Variants in CD8B observed in about 807,000 individuals in gnomAD.
CD8B encodes CD8 subunit beta.
In CD8B, 6 loss-of-function variants were observed where a neutral mutation model predicts 24.2. That is an observed-to-expected ratio of 0.25 (90% CI 0.14 to 0.49). CD8B has a LOEUF of 0.49. Among genes scored for constraint, CD8B ranks in the 20% least tolerant of loss-of-function variants. The pLI is 0.98. For missense variants in CD8B, 196 were observed against 271.3 expected (o/e 0.72, Z 1.95); for synonymous variants, 84 against 108.3 (o/e 0.78, Z 1.39).
chr2:86,853,285 TA>T (rs1396225383), intron 2 of CD8B, among the ~76,000 whole-genome samples, 199 bp from the exon 3 acceptor site: 1 of 150,872 alleles, frequency 6.6e-6, no homozygotes, highest in Non-Finnish European at 1.5e-5. Context: ...CTACAAAAAA[TA>T]AAAAGTTTAG....
chr2:86,844,750 C>T (rs1455494311), intron 5 of CD8B, 172 bp downstream of exon 5: 1 of 1,533,246 alleles, frequency 6.5e-7, no homozygotes, highest in African/African-American at 1.4e-5. Flanking sequence ...TCAAGTGATC[C>T]TCCTGCTTCA....
rs11558603 is a variant in CD8B at position 86,858,309 on chromosome 2, G to T, written c.151C>A (p.Arg51Ser). The T allele has an allele frequency of 1.2e-6, 2 of 1,613,976 alleles. No individual in the cohort carries two copies. The highest frequency in any genetic ancestry group is 1.7e-6 in the Non-Finnish European group (2 of 1,179,870). The change falls in exon 2 of 6, where the codon CGC (arginine) becomes AGC (serine). Residue 51 changes from arginine (R) to serine (S), a missense_variant. Transcript: ENST00000390655. ...CEAKISLSNMRIYWLRQRQAP... is the reference protein window; with the variant it reads ...CEAKISLSNMSIYWLRQRQAP... ...TGGCGCTGTCTCAGCCAGTAGATGC[G>T]CATGTTACTGAGGGAGATTTTAGCC... is the stretch of plus-strand genomic sequence containing the variant.
intron 5 of CD8B, among the ~76,000 whole-genome samples, chr2:86,825,530 A>G (rs1362217749): frequency 6.6e-6 from 1 of 152,174 alleles, no homozygotes; most frequent in Non-Finnish European, 1.5e-5. Flanking sequence ...GGTTGCTGTG[A>G]TCACGATGGA....
At chr2:86,827,452 C>T (rs191363381) in intron 5 of CD8B, among the ~76,000 whole-genome samples, 37 of 151,900 alleles carry the variant, frequency 2.4e-4, no homozygotes, top group South Asian at 4.2e-4. Context: ...GGTGAAACCC[C>T]ATCTCCACAA....
At chr2:86,852,147 G>A (rs551597355) in intron 3 of CD8B, among the ~76,000 whole-genome samples, 13 of 152,064 alleles carry the variant, frequency 8.5e-5, no homozygotes, top group Admixed American at 5.9e-4. Context: ...TTACATTTTC[G>A]TAGAGACAGA....
At chr2:86,827,149 T>G (rs1674722720) in intron 5 of CD8B, among the ~76,000 whole-genome samples, 1 of 152,054 alleles carries the variant, frequency 6.6e-6, no homozygotes, top group Non-Finnish European at 1.5e-5. Context: ...AGCAAAGAGT[T>G]CATCTTGGTT....
chr2:86,841,704 G>A lies in CD8B; in HGVS notation c.*603C>T, dbSNP rs1803262. The A allele has an allele frequency of 0.22, 217,661 of 984,504 alleles. 24,732 individuals are homozygous for A. Among genetic ancestry groups the A allele is most frequent in the African/African-American group, 0.34 (19,498 of 57,216 alleles). The allele number at this position is 984,504 out of a possible 1,614,324, so 61.0% of individuals were successfully genotyped here. A position where few individuals can be genotyped will look rare whatever the true frequency, so the allele number is the denominator to read the frequency against. On this transcript the variant is annotated 3_prime_UTR_variant, in exon 6 of 6. Transcript: ENST00000390655. ...ATGGGAGCTGAGAAACTTAAGAGTA[G>A]AAATGGGAGCTGAGAAGATGAAGTG...
intron 5 of CD8B, among the ~76,000 whole-genome samples, chr2:86,828,683 CAT>C (rs1674786389): frequency 6.6e-6 from 1 of 152,116 alleles, no homozygotes. Context: ...TTATCAAAAT[CAT>C]GTGCCTTTTT....
chr2:86,834,650 T>C (rs1187840262), downstream of CD8B, among the ~76,000 whole-genome samples: 1 of 151,770 alleles, frequency 6.6e-6, no homozygotes, highest in African/African-American at 2.4e-5. Flanking sequence ...AAGACAGACG[T>C]TCCAGGCCGG....
intron 5 of CD8B, 134 bp from the exon 6 acceptor site, chr2:86,842,453 G>A: frequency 1.7e-6 from 2 of 1,156,570 alleles, no homozygotes; most frequent in East Asian, 2.7e-5. Flanking sequence ...TTTTTTGTTA[G>A]TATGTTTCTA....
At chr2:86,834,489 A>ACACACACAC (rs1325050004), downstream of CD8B, among the ~76,000 whole-genome samples, 1 of 94,176 alleles carries the variant, frequency 1.1e-5, no homozygotes, top group Non-Finnish European at 2.6e-5. Context: ...CACACACACA[A>ACACACACAC]AAGTCTTAAC....
At position 86,840,930 on chromosome 2, in the gene CD8B, G is replaced by T. The variant is rs2104537362; in HGVS notation, c.*1377C>A. On this transcript the variant is annotated 3_prime_UTR_variant, in exon 6 of 6. Coordinates refer to ENST00000390655, the MANE Select transcript of CD8B (RefSeq NM_004931.5). Reference sequence around the variant, plus strand: ...TTTTGTAACATTTCTTACATTCTGTGGTTGTCACAGGTAACTGAACATAAC... The same window carrying T: ...TTTTGTAACATTTCTTACATTCTGTTGTTGTCACAGGTAACTGAACATAAC... 1.3e-5 allele frequency among the ~76,000 whole-genome samples: 2 copies of T among 152,216 alleles called. No individual in the cohort carries two copies. The highest frequency in any genetic ancestry group is 2.1e-4 in the South Asian group (1 of 4,816).
chr2:86,844,202 C>A (rs1393011094), intron 5 of CD8B, among the ~76,000 whole-genome samples: 1 of 151,604 alleles, frequency 6.6e-6, no homozygotes, highest in African/African-American at 2.4e-5. Context: ...CTAAAGGTCC[C>A]AGCCCAGCCC....
chr2:86,861,324 G>C (rs1676575871), intron 1 of CD8B, among the ~76,000 whole-genome samples: 1 of 152,024 alleles, frequency 6.6e-6, no homozygotes. Context: ...AGGGAGAACG[G>C]GAGCCAGAGG....
rs1321584410 is a variant in CD8B at position 86,815,795 on chromosome 2, A to G, written c.621-77T>C. On this transcript the variant is annotated intron_variant, in intron 5 of 5. Coordinates refer to the CD8B transcript ENST00000331469. ...TTGGTTACTTATTAAGTAATGACTGATTTTTTTCTGTGACTCAGTCGAGTC... is the reference window on the plus strand; with the variant it reads ...TTGGTTACTTATTAAGTAATGACTGGTTTTTTTCTGTGACTCAGTCGAGTC... 5 of 819,962 alleles carry G rather than the reference A, an allele frequency of 6.1e-6. No homozygotes were observed. In the Admixed American group the frequency reaches 9.5e-5, roughly 16 times the overall value. 50.8% of individuals were successfully genotyped at this position (819,962 alleles called of 1,614,324 possible).
intron 2 of CD8B, among the ~76,000 whole-genome samples, chr2:86,856,888 A>G (rs1466151336): frequency 6.6e-6 from 1 of 151,690 alleles, no homozygotes; most frequent in Non-Finnish European, 1.5e-5. Context: ...TATATTGATT[A>G]CATGTTGAGA....
intron 5 of CD8B, among the ~76,000 whole-genome samples, chr2:86,827,320 G>A (rs929317179): frequency 3.9e-5 from 6 of 151,944 alleles, no homozygotes; most frequent in African/African-American, 1.5e-4. Flanking sequence ...TTTATGTCAC[G>A]AGAGGTAGTT....
intron 5 of CD8B, 116 bp from the exon 6 acceptor site, chr2:86,842,435 G>T: frequency 1.4e-6 from 2 of 1,381,146 alleles, no homozygotes; most frequent in Non-Finnish European, 1.9e-6. Context: ...GTAGCCTGGG[G>T]CCGAGAGTTT....
chr2:86,818,505 T>C (rs536476231), intron 5 of CD8B, among the ~76,000 whole-genome samples: 8 of 152,322 alleles, frequency 5.3e-5, no homozygotes, highest in African/African-American at 1.7e-4. Context: ...AACTTTTTCA[T>C]TATTATTGTG....
Sources: gnomAD v4.1 joint callset for allele counts (sites outside exome capture counted in the v4.1 genomes callset) on GRCh38, gnomAD v4.1.1 for gene constraint, MANE v1.5 for transcripts, NCBI Gene and HGNC (gene_info 2026-07-23, HGNC 2026-07-21) for gene names.